Variants in LRFN2 observed in about 807,000 individuals in gnomAD.
LRFN2 encodes leucine-rich repeat and fibronectin type-III domain-containing protein 2.
In LRFN2, 18 loss-of-function variants were observed where a neutral mutation model predicts 37.3. The observed-to-expected ratio is 0.48, with a 90% CI of 0.33 to 0.72. The LOEUF (loss-of-function observed/expected upper bound fraction) is 0.72, where lower values mean the gene tolerates loss of function less well. Among genes scored for constraint, LRFN2 ranks in the 30% least tolerant of loss-of-function variants. The pLI, the probability that LRFN2 is intolerant of heterozygous loss-of-function variation, is 0.02. For missense variants in LRFN2, 1,006 were observed against 1,060.7 expected (o/e 0.95, Z 0.72); for synonymous variants, 556 against 466.6 (o/e 1.19, Z -2.47).
intron 1 of LRFN2, among the ~76,000 whole-genome samples, chr6:40,489,679 A>G (rs1466617761): frequency 6.6e-6 from 1 of 152,022 alleles, no homozygotes; most frequent in African/African-American, 2.4e-5. Context: ...TAGAACTCCA[A>G]GGGAACTGTC....
chr6:40,404,218 A>G (rs941742339), intron 2 of LRFN2, among the ~76,000 whole-genome samples: 6 of 152,058 alleles, frequency 3.9e-5, no homozygotes, highest in Non-Finnish European at 5.9e-5. Context: ...ATTACTGTTA[A>G]TTGTCTTTCT....
intron 1 of LRFN2, among the ~76,000 whole-genome samples, chr6:40,437,146 A>G (rs1763701575): frequency 1.3e-5 from 2 of 152,008 alleles, no homozygotes; most frequent in South Asian, 4.1e-4. Context: ...ACAGGAAATG[A>G]TATTTGTCAG....
At chr6:40,419,909 GC>G (rs1336076063) in intron 2 of LRFN2, among the ~76,000 whole-genome samples, 11 of 152,196 alleles carry the variant, frequency 7.2e-5, no homozygotes, top group Non-Finnish European at 1.5e-4. Flanking sequence ...TTAACCTTTT[GC>G]GGGGCTAATT....
At chr6:40,439,298 G>T (rs1004023906) in intron 1 of LRFN2, among the ~76,000 whole-genome samples, 1 of 152,192 alleles carries the variant, frequency 6.6e-6, no homozygotes, top group African/African-American at 2.4e-5. Flanking sequence ...GGTGCTCCAG[G>T]CCTGGAAAGT....
intron 1 of LRFN2, among the ~76,000 whole-genome samples, chr6:40,507,599 A>C (rs1765579574): frequency 1.3e-5 from 2 of 152,002 alleles, no homozygotes; most frequent in South Asian, 4.2e-4. Context: ...GGCCGTTGGG[A>C]CCCTTGGAAC....
rs144309509 is a variant in LRFN2 at position 40,392,699 on chromosome 6, G to A, written c.1614C>T (p.Ile538=). The A allele has an allele frequency of 7.7e-5, 125 of 1,614,072 alleles. No individual in the cohort carries two copies. In the African/African-American group the frequency reaches 8.8e-4, roughly 11 times the overall value. The change falls in exon 3 of 3, where the codon ATC becomes ATT. Residue 538 remains isoleucine, a synonymous_variant. Transcript: ENST00000338305. The surrounding 1 kb of genome is among the most constrained non-coding windows in gnomAD (Gnocchi z 4.7). ...GCAGCGTGGCCACGATGATGCCCCC[G>A]ATGACCAGGATCATGGTGCCGCCCA... is the stretch of plus-strand genomic sequence containing the variant. ...QILGGTMILV[I]GGIIVATLLV... is the part of the protein sequence containing the mutation.
chr6:40,561,326 C>T, intron 1 of LRFN2, among the ~76,000 whole-genome samples: 1 of 152,196 alleles, frequency 6.6e-6, no homozygotes, highest in Non-Finnish European at 1.5e-5. Context: ...AAAGAGACCC[C>T]AAGGACCTTT....
intron 1 of LRFN2, among the ~76,000 whole-genome samples, chr6:40,468,674 T>G (rs1354156046): frequency 6.6e-6 from 1 of 152,086 alleles, no homozygotes; most frequent in African/African-American, 2.4e-5. Flanking sequence ...TGGGCAGTTA[T>G]AGAGGTGCTG....
chr6:40,533,481 T>C (rs926275319), intron 1 of LRFN2, among the ~76,000 whole-genome samples: 2 of 151,186 alleles, frequency 1.3e-5, no homozygotes, highest in African/African-American at 4.9e-5. Flanking sequence ...TCAGGGACCC[T>C]CAAGTAGTCT....
At chr6:40,563,628 C>G (rs1386920391) in intron 1 of LRFN2, among the ~76,000 whole-genome samples, 1 of 152,124 alleles carries the variant, frequency 6.6e-6, no homozygotes, top group Non-Finnish European at 1.5e-5. Context: ...ATTCTGCCTT[C>G]CCCCTCAACA....
chr6:40,543,052 G>T (rs746798851), intron 1 of LRFN2, among the ~76,000 whole-genome samples: 2 of 152,328 alleles, frequency 1.3e-5, no homozygotes, highest in Non-Finnish European at 2.9e-5. Context: ...TAAAGTGACT[G>T]GGCCTGATGA....
intron 1 of LRFN2, among the ~76,000 whole-genome samples, chr6:40,442,201 T>C (rs1763854294): frequency 6.6e-6 from 1 of 152,188 alleles, no homozygotes; most frequent in Admixed American, 6.5e-5. Flanking sequence ...AAGGGGCTAA[T>C]GAAGGGAGCA....
intron 1 of LRFN2, among the ~76,000 whole-genome samples, chr6:40,496,538 A>T (rs1765232633): frequency 6.6e-6 from 1 of 151,788 alleles, no homozygotes; most frequent in Non-Finnish European, 1.5e-5. Context: ...CTTTGCACTG[A>T]TTAGTCCTCC....
intron 1 of LRFN2, among the ~76,000 whole-genome samples, chr6:40,530,831 C>A (rs867558889): frequency 6.6e-6 from 1 of 152,126 alleles, no homozygotes; most frequent in Non-Finnish European, 1.5e-5. Context: ...GCACCTTGGC[C>A]TCATCCAAAG....
At chr6:40,475,609 G>A (rs763826591) in intron 1 of LRFN2, among the ~76,000 whole-genome samples, 22 of 152,142 alleles carry the variant, frequency 1.4e-4, no homozygotes, top group Non-Finnish European at 3.1e-4. Flanking sequence ...GGGATGATGA[G>A]GCTGAGGAAG....
chr6:40,437,414 A>C (rs186504958), intron 1 of LRFN2, among the ~76,000 whole-genome samples: 1 of 152,030 alleles, frequency 6.6e-6, no homozygotes, highest in African/African-American at 2.4e-5. Context: ...TTCCAGATGC[A>C]TACCCTGGAG....
chr6:40,484,986 G>A (rs73432627), intron 1 of LRFN2, among the ~76,000 whole-genome samples: 1 of 152,176 alleles, frequency 6.6e-6, no homozygotes, highest in Non-Finnish European at 1.5e-5. Flanking sequence ...CTTGACTACT[G>A]TAAGAGACCC....
chr6:40,391,810 G>A lies in LRFN2; in HGVS notation c.*133C>T, dbSNP rs116940638. On this transcript the variant is annotated 3_prime_UTR_variant, in exon 3 of 3. Transcript: ENST00000338305. ...GGTGTTGCGGGGTAGGGGGGGACACGAGGCCATTGACAGGGAGACGAAACT... is the reference window on the plus strand; with the variant it reads ...GGTGTTGCGGGGTAGGGGGGGACACAAGGCCATTGACAGGGAGACGAAACT... The A allele has an allele frequency of 1.5e-4, 141 of 914,110 alleles. 1 individual carries two copies. In the East Asian group the frequency reaches 3.9e-3, roughly 25 times the overall value. 56.6% of individuals were successfully genotyped at this position (914,110 alleles called of 1,614,324 possible).
At chr6:40,446,157 G>A (rs1276088461) in intron 1 of LRFN2, among the ~76,000 whole-genome samples, 1 of 152,214 alleles carries the variant, frequency 6.6e-6, no homozygotes, top group Non-Finnish European at 1.5e-5. Flanking sequence ...TAGATGGGCA[G>A]GAATAGAGCC....
Sources: gnomAD v4.1 joint callset for allele counts (sites outside exome capture counted in the v4.1 genomes callset) on GRCh38, gnomAD v4.1.1 for gene constraint, Gnocchi (gnomAD v3.1) non-coding constraint, MANE v1.5 for transcripts, NCBI Gene and HGNC (gene_info 2026-07-23, HGNC 2026-07-21) for gene names.